The following SMARCAD1 variants were observed in gnomAD, a reference collection of about 807,000 sequenced individuals.
SMARCAD1 encodes SNF2 related chromatin remodeling ATPase with DExD box 1.
A neutral mutation model predicts 127.1 loss-of-function variants in SMARCAD1; 25 were observed. The ratio of observed to expected loss-of-function variants is 0.20; its 90% CI spans 0.14 to 0.27. The LOEUF is 0.27. Among genes scored for constraint, SMARCAD1 ranks in the 10% least tolerant of loss-of-function variants. The pLI is 1.00. For synonymous variants in SMARCAD1, 400 were observed against 396.9 expected, an observed-to-expected ratio of 1.01 and a Z score of -0.09; for missense variants, 807 against 1,206.0, an observed-to-expected ratio of 0.67 and a Z score of 4.90.
chr4:94,244,300 T>A (rs560568041), intron 6 of SMARCAD1, among the ~76,000 whole-genome samples: 1 of 152,230 alleles, frequency 6.6e-6, no homozygotes, highest in Non-Finnish European at 1.5e-5. Flanking sequence ...TGCTACAGTT[T>A]CCTACAAACA....
In SMARCAD1 at chr4:94,289,781, G is replaced by T. The variant is rs564644232; in HGVS notation, c.*247G>T. 3.6e-4 allele frequency: 212 copies of T among 592,250 alleles called. 2 individuals carry two copies. Among genetic ancestry groups the T allele is most frequent in the Non-Finnish European group, 3.7e-4 (117 of 315,022 alleles). The allele number at this position is 592,250 out of a possible 1,614,324, so 36.7% of individuals were successfully genotyped here. On this transcript the variant is annotated 3_prime_UTR_variant, in exon 24 of 24. Transcript: ENST00000354268. ...TGTTGAATAATCATTTTACAAAGCA[G>T]TTTTCTGAATGGGGATTAGTTGGTG...
chr4:94,221,336 A>G (rs1298349907), intron 2 of SMARCAD1, among the ~76,000 whole-genome samples: 2 of 152,228 alleles, frequency 1.3e-5, no homozygotes, highest in Non-Finnish European at 2.9e-5. Context: ...TACATGGTTA[A>G]CGGTTTTAAC....
intron 10 of SMARCAD1, among the ~76,000 whole-genome samples, chr4:94,269,723 C>T (rs1453704557): frequency 6.6e-6 from 1 of 152,058 alleles, no homozygotes; most frequent in Non-Finnish European, 1.5e-5. Context: ...GGCTGAAGTG[C>T]AATGGCATGA....
intron 11 of SMARCAD1, among the ~76,000 whole-genome samples, chr4:94,273,188 C>T (rs1272501356): frequency 6.6e-6 from 1 of 152,190 alleles, no homozygotes; most frequent in Admixed American, 6.5e-5. Context: ...CATAAGCGCT[C>T]ATATCTCATG....
At chr4:94,221,841 G>A (rs1340718612) in intron 2 of SMARCAD1, among the ~76,000 whole-genome samples, 6 of 152,138 alleles carry the variant, frequency 3.9e-5, no homozygotes, top group Admixed American at 1.3e-4. Flanking sequence ...AGATCTACCC[G>A]AGAGAAATCA....
At chr4:94,236,684 A>G (rs9991214) in intron 4 of SMARCAD1, among the ~76,000 whole-genome samples, 2 of 152,138 alleles carry the variant, frequency 1.3e-5, no homozygotes, top group East Asian at 3.9e-4. Context: ...AAACCTAGAA[A>G]ATACTGTATA....
intron 10 of SMARCAD1, among the ~76,000 whole-genome samples, chr4:94,270,189 T>C (rs984025462): frequency 6.6e-6 from 1 of 152,014 alleles, no homozygotes; most frequent in Non-Finnish European, 1.5e-5. Context: ...ACATGTGCTG[T>C]GTACATTTGT....
intron 9 of SMARCAD1, 163 bp downstream of exon 9, chr4:94,253,170 G>T (rs959538789): frequency 1.3e-6 from 2 of 1,509,068 alleles, no homozygotes; most frequent in Non-Finnish European, 1.8e-6. Context: ...ATTTCAAATA[G>T]TGTCATATGA....
intron 20 of SMARCAD1, 73 bp downstream of exon 20, chr4:94,280,853 T>A (rs1753909691): frequency 7.2e-7 from 1 of 1,381,928 alleles, no homozygotes; most frequent in Non-Finnish European, 1.0e-6. Context: ...TCTGGCACAC[T>A]GACTTGCTTG....
In SMARCAD1 at chr4:94,252,645, C is replaced by G. The variant is rs1410940101; in HGVS notation, c.919C>G (p.Pro307Ala). 2 of 1,572,256 alleles carry G rather than the reference C, an allele frequency of 1.3e-6. No individual in the cohort carries two copies. The highest frequency in any genetic ancestry group is 1.2e-5 in the South Asian group (1 of 83,398). ...DMQYVSQSEV[P>A]NGKEVSSRSQ... is the part of the protein sequence containing the mutation. ...GCAATATGTATCACAAAGTGAGGTTCCAAATGGAAAAGAAGTTTCTTCAAG... is the reference window on the plus strand; with the variant it reads ...GCAATATGTATCACAAAGTGAGGTTGCAAATGGAAAAGAAGTTTCTTCAAG... The change falls in exon 9 of 24, where the codon CCA becomes GCA. Residue 307 changes from proline to alanine, a missense_variant. Pro to Ala is a conservative substitution (Grantham distance 27). Around this residue, in one of 8 missense-constraint regions of SMARCAD1, gnomAD observed 257 missense variants for 303.4 expected, o/e 0.85. Coordinates refer to ENST00000354268, the MANE Select transcript of SMARCAD1 (RefSeq NM_020159.5).
intron 13 of SMARCAD1, 42 bp downstream of exon 13, chr4:94,274,839 A>C (rs773899601): frequency 2.5e-6 from 4 of 1,607,968 alleles, no homozygotes; most frequent in Admixed American, 1.7e-5. Flanking sequence ...GAAATTAAAA[A>C]TAAAGTACAG....
At chr4:94,268,561 G>T (rs1752078669) in intron 10 of SMARCAD1, among the ~76,000 whole-genome samples, 1 of 152,258 alleles carries the variant, frequency 6.6e-6, no homozygotes, top group South Asian at 2.1e-4. Context: ...TCAGTGTGTT[G>T]ACCGTAGGAT....
rs1289566201 is a variant in SMARCAD1 at position 94,290,703 on chromosome 4, CTG to C, written c.*1171_*1172del. 1 of 443,408 alleles carries C rather than the reference CTG, an allele frequency of 2.3e-6. No homozygotes were observed. The highest frequency in any genetic ancestry group is 4.5e-6 in the Non-Finnish European group (1 of 222,132). The allele number at this position is 443,408 out of a possible 1,614,324, so 27.5% of individuals were successfully genotyped here. A position where few individuals can be genotyped will look rare whatever the true frequency, so the allele number is the denominator to read the frequency against. On this transcript the variant is annotated 3_prime_UTR_variant, in exon 24 of 24. Transcript: ENST00000354268. ...ATTAAATCTTTCTTTAAATTTCTGC[CTG>C]TCAGTCTATATTGCTGTTTTTATTA...
At chr4:94,229,451 T>G (rs1579076195) in intron 3 of SMARCAD1, among the ~76,000 whole-genome samples, 2 of 152,260 alleles carry the variant, frequency 1.3e-5, no homozygotes, top group East Asian at 3.9e-4. Flanking sequence ...TTATTATTCA[T>G]TTTGGTGCAC....
intron 9 of SMARCAD1, among the ~76,000 whole-genome samples, chr4:94,258,667 A>G (rs565271351): frequency 6.6e-6 from 1 of 152,310 alleles, no homozygotes; most frequent in South Asian, 2.1e-4. Context: ...GATGAATAAC[A>G]TAGTGAAGCT....
At chr4:94,257,698 T>C (rs1750320645) in intron 9 of SMARCAD1, among the ~76,000 whole-genome samples, 4 of 152,164 alleles carry the variant, frequency 2.6e-5, no homozygotes. Context: ...AAAAAAAATC[T>C]ATATCCACCC....
rs1425516337 is a variant in SMARCAD1, at chr4:94,284,847, G to C, written c.2910-113G>C. 1.3e-5 allele frequency: 9 copies of C among 704,116 alleles called. No homozygotes were observed. The African/African-American group carries it at 1.6e-4, about 13-fold the overall frequency. The allele number at this position is 704,116 out of a possible 1,614,324, so 43.6% of individuals were successfully genotyped here. A position where few individuals can be genotyped will look rare whatever the true frequency, so the allele number is the denominator to read the frequency against. ...AGTGGCTTAAATAAAAGAATTTAAG[G>C]ATATGTTTGTCGTAATTTTCAAAGT... On this transcript the variant is annotated intron_variant, in intron 22 of 23. Transcript: ENST00000354268.
At chr4:94,261,978 C>G (rs980654499) in intron 9 of SMARCAD1, among the ~76,000 whole-genome samples, 2 of 152,168 alleles carry the variant, frequency 1.3e-5, no homozygotes, top group Non-Finnish European at 2.9e-5. Flanking sequence ...CTTGGCTTCT[C>G]TGATACCACA....
chr4:94,255,999 T>A (rs1206452173), intron 9 of SMARCAD1, among the ~76,000 whole-genome samples: 3 of 152,146 alleles, frequency 2.0e-5, no homozygotes, highest in African/African-American at 7.2e-5. Flanking sequence ...TGGTAAAAAT[T>A]GGAATTTTTA....
Sources: gnomAD v4.1 joint callset for allele counts (sites outside exome capture counted in the v4.1 genomes callset) on GRCh38, gnomAD v4.1.1 for gene constraint, gnomAD v4.1.1 regional missense constraint, MANE v1.5 for transcripts, NCBI Gene and HGNC (gene_info 2026-07-23, HGNC 2026-07-21) for gene names.